The following PVT1 variants were observed in gnomAD, a reference collection of about 807,000 sequenced individuals.
The protein encoded by PVT1 is Pvt1 oncogene.
chr8:127,921,810 C>CT (rs1357644665), intron 3 of PVT1, among the ~76,000 whole-genome samples: 1 of 8,448 alleles, frequency 1.2e-4, no homozygotes, highest in African/African-American at 1.3e-3. Flanking sequence ...GAGACTCTGT[C>CT]TGGAAAATAA....
At chr8:127,855,219 C>T (rs1660109584) in intron 2 of PVT1, 1 of 398,540 alleles carries the variant, frequency 2.5e-6, no homozygotes, top group South Asian at 1.3e-4. Context: ...TCTTAGGAGT[C>T]CTGCTGTCAC....
chr8:127,839,568 A>T (rs573724353), intron 2 of PVT1, among the ~76,000 whole-genome samples: 1 of 150,782 alleles, frequency 6.6e-6, no homozygotes, highest in South Asian at 2.1e-4. Flanking sequence ...AAAATAAAAA[A>T]AAAATGAAAA....
intron 4 of PVT1, among the ~76,000 whole-genome samples, chr8:128,013,667 G>A (rs886501841): frequency 1.3e-5 from 2 of 152,178 alleles, no homozygotes; most frequent in African/African-American, 2.4e-5. Context: ...GTCCTTATTC[G>A]TACCTTGCTG....
intron 3 of PVT1, among the ~76,000 whole-genome samples, chr8:127,909,505 G>A (rs1367384773): frequency 2.0e-5 from 3 of 152,292 alleles, no homozygotes; most frequent in Non-Finnish European, 2.9e-5. Context: ...TGATAATAGC[G>A]CTTGCTTCAG....
intron 4 of PVT1, among the ~76,000 whole-genome samples, chr8:128,022,502 G>A (rs113767944): frequency 2.1e-4 from 32 of 152,296 alleles, no homozygotes; most frequent in South Asian, 1.2e-3. Flanking sequence ...ATTTCCCTGC[G>A]CTCACAAAGG....
At chr8:127,995,319 C>T (rs1273875471) in intron 4 of PVT1, among the ~76,000 whole-genome samples, 1 of 152,218 alleles carries the variant, frequency 6.6e-6, no homozygotes, top group African/African-American at 2.4e-5. Flanking sequence ...TTCTTTGTCT[C>T]TTCCTTGCTC....
intron 4 of PVT1, among the ~76,000 whole-genome samples, chr8:128,006,807 G>T (rs1586478295): frequency 6.6e-6 from 1 of 152,194 alleles, no homozygotes; most frequent in African/African-American, 2.4e-5. Context: ...TACATTTTGT[G>T]CTCAGATTTT....
Position 127,881,241 on chromosome 8 carries a change from C to T in PVT1, n.373-9348C>T, listed in dbSNP as rs117093351. 7.8e-3 allele frequency among the ~76,000 whole-genome samples: 1,185 copies of T among 152,112 alleles called. 9 individuals are homozygous for T. The highest frequency in any genetic ancestry group is 0.012 in the Non-Finnish European group (818 of 68,002). ...GTGGGAGTAACCACCATAATAGCAG[C>T]GCTGTGCTGTTGAGGGTGACTTTGA... On this transcript the variant is annotated intron_variant and non_coding_transcript_variant, in intron 2 of 10. Coordinates refer to ENST00000651587, the Ensembl canonical transcript of PVT1.
intron 3 of PVT1, among the ~76,000 whole-genome samples, chr8:127,962,212 G>C (rs1816652142): frequency 6.6e-6 from 1 of 152,180 alleles, no homozygotes. Context: ...TGATCCACCT[G>C]CCTTGGCCTC....
At chr8:128,003,824 G>A (rs4733589) in intron 4 of PVT1, among the ~76,000 whole-genome samples, 102,753 of 152,162 alleles carry the variant, frequency 0.68, 35,013 homozygotes, top group South Asian at 0.82. Flanking sequence ...TTTATGAAGC[G>A]TCTCTGTCTT....
At chr8:127,867,943 C>A (rs1041147614) in intron 2 of PVT1, among the ~76,000 whole-genome samples, 1 of 152,234 alleles carries the variant, frequency 6.6e-6, no homozygotes, top group South Asian at 2.1e-4. Context: ...GAAAACATAA[C>A]AAGAGGCAAC....
chr8:127,999,902 G>A (rs1586474996), intron 4 of PVT1, among the ~76,000 whole-genome samples: 1 of 152,216 alleles, frequency 6.6e-6, no homozygotes, highest in African/African-American at 2.4e-5. Flanking sequence ...GGTCAATGTG[G>A]CCTCATTCAA....
intron 4 of PVT1, chr8:127,998,129 G>C (rs899411247): frequency 1.3e-5 from 2 of 152,198 alleles, no homozygotes; most frequent in African/African-American, 2.4e-5. Context: ...TGGTTGTCAG[G>C]TTTGTCCACT....
intron 2 of PVT1, among the ~76,000 whole-genome samples, chr8:127,809,029 C>CAAAAAAAAAAAAAAA (rs1158760672): frequency 2.8e-3 from 80 of 28,218 alleles, no homozygotes; most frequent in Non-Finnish European, 3.5e-3. Flanking sequence ...GATTCCATCT[C>CAAAAAAAAAAAAAAA]AAAAAAAAAA....
chr8:127,946,717 A>G (rs1816425015), intron 3 of PVT1: 2 of 154,308 alleles, frequency 1.3e-5, no homozygotes. Context: ...GCTTGTGCAC[A>G]GGGGCCAAAG....
chr8:127,954,012 C>A (rs565877202), intron 3 of PVT1, among the ~76,000 whole-genome samples: 1 of 152,284 alleles, frequency 6.6e-6, no homozygotes, highest in East Asian at 1.9e-4. Flanking sequence ...TTGAATATCT[C>A]TTAATTACTA....
intron 2 of PVT1, among the ~76,000 whole-genome samples, chr8:127,883,812 A>C (rs1190183623): frequency 6.6e-6 from 1 of 152,060 alleles, no homozygotes; most frequent in African/African-American, 2.4e-5. Context: ...ACTGGGCCAG[A>C]GCATGCTTAT....
intron 5 of PVT1, among the ~76,000 whole-genome samples, chr8:128,094,082 G>T (rs990280556): frequency 1.3e-5 from 2 of 152,074 alleles, no homozygotes; most frequent in Non-Finnish European, 2.9e-5. Context: ...ATGGCATATG[G>T]ACCTGCAAAC....
At chr8:127,964,974 C>T (rs1816688351) in intron 3 of PVT1, among the ~76,000 whole-genome samples, 1 of 152,124 alleles carries the variant, frequency 6.6e-6, no homozygotes, top group African/African-American at 2.4e-5. Context: ...TTCTTAACTT[C>T]ATTACATCAG....
Sources: gnomAD v4.1 joint callset for allele counts (sites outside exome capture counted in the v4.1 genomes callset) on GRCh38, gnomAD v4.1.1 for gene constraint, MANE v1.5 for transcripts, NCBI Gene and HGNC (gene_info 2026-07-23, HGNC 2026-07-21) for gene names.